The following CARMIL3 variants were observed in gnomAD, a reference collection of about 807,000 sequenced individuals.
The protein encoded by CARMIL3 is capping protein regulator and myosin 1 linker 3, also known as capping protein, Arp2/3 and myosin-I linker protein 3.
Under a neutral mutation model 180.8 loss-of-function variants are expected in CARMIL3, and 88 were observed. The ratio of observed to expected loss-of-function variants is 0.49; its 90% CI spans 0.41 to 0.58. The LOEUF (loss-of-function observed/expected upper bound fraction) is 0.58, where lower values mean the gene tolerates loss of function less well. CARMIL3 is among the 20% of genes least tolerant of loss of function. The pLI, the probability that CARMIL3 is intolerant of heterozygous loss-of-function variation, is 0.00. For missense variants in CARMIL3, 1,548 were observed against 1,787.0 expected (o/e 0.87, Z 2.41); for synonymous variants, 696 against 714.5 (o/e 0.97, Z 0.41).
Position 24,069,492 on chromosome 14 carries a change from C to T in CARMIL3, c.*88C>T. ...CACCCCCAGTCCCCAGGGCCCCCTG[C>T]CAGCCCCTGTCCTACAGGGGCAAGA... is the stretch of plus-strand genomic sequence containing the variant. On this transcript the variant is annotated 3_prime_UTR_variant, in exon 40 of 40. Coordinates refer to ENST00000342740, the MANE Select transcript of CARMIL3 (RefSeq NM_138360.4). 1.3e-6 allele frequency: 2 copies of T among 1,558,664 alleles called. No individual in the cohort carries two copies. The highest frequency in any genetic ancestry group is 1.8e-6 in the Non-Finnish European group (2 of 1,138,726).
intron 1 of CARMIL3, 54 bp downstream of exon 1, chr14:24,052,247 A>AGACCCG (rs2035624249): frequency 6.6e-7 from 1 of 1,521,994 alleles, no homozygotes; most frequent in African/African-American, 1.4e-5. Flanking sequence ...TCCCAGACCC[A>AGACCCG]GCGCGTTCCT....
chr14:24,065,127 C>G lies in CARMIL3; in HGVS notation c.3250C>G (p.Pro1084Ala). Residue 1084 changes from proline to alanine, a missense_variant, in exon 33 of 40, where the codon CCC (proline) becomes GCC (alanine). Pro to Ala is a conservative substitution (Grantham distance 27). This residue lies in a region of CARMIL3 where 668 missense variants were observed against 687.8 expected (regional missense o/e 0.97). Transcript: ENST00000342740. Reference sequence around the variant, plus strand: ...TGGACTCCTCCTCCCTCCACCCCCACCCCCTCCCCCGACTCAGGAGAGCCC... The same window carrying G: ...TGGACTCCTCCTCCCTCCACCCCCAGCCCCTCCCCCGACTCAGGAGAGCCC... ...TTGLLLPPPP[P>A]PPPTQESPPS... 1 of 1,458,000 alleles carries G rather than the reference C, an allele frequency of 6.9e-7. No individual in the cohort carries two copies. The highest frequency in any genetic ancestry group is 9.1e-7 in the Non-Finnish European group (1 of 1,104,492). The allele number at this position is 1,458,000 out of a possible 1,614,324, so 90.3% of individuals were successfully genotyped here. A position where few individuals can be genotyped will look rare whatever the true frequency, so the allele number is the denominator to read the frequency against.
chr14:24,063,591 A>C, intron 31 of CARMIL3, 58 bp downstream of exon 31: 2 of 1,516,936 alleles, frequency 1.3e-6, no homozygotes, highest in South Asian at 2.5e-5. Context: ...CAGAGCCAGG[A>C]GTTTTACCTT....
In CARMIL3 at chr14:24,058,300, T is replaced by A. The variant is rs2035696012; in HGVS notation, c.1392+76T>A. On this transcript the variant is annotated intron_variant, in intron 17 of 39. Coordinates refer to ENST00000342740, the MANE Select transcript of CARMIL3 (RefSeq NM_138360.4). The surrounding 1 kb of genome is among the most constrained non-coding windows in gnomAD (Gnocchi z 6.4). ...TCTCAGACCTAAGTCAAACCCTGGC[T>A]CCATCTAGCCTCTGTGCTGACCCTC... 4 of 1,494,840 alleles carry A rather than the reference T, an allele frequency of 2.7e-6. No individual in the cohort carries two copies. The highest frequency in any genetic ancestry group is 3.6e-6 in the Non-Finnish European group (4 of 1,099,910). The allele number at this position is 1,494,840 out of a possible 1,614,324, so 92.6% of individuals were successfully genotyped here.
chr14:24,064,109 A>G (rs1420150284), intron 31 of CARMIL3, 137 bp from the exon 32 acceptor site: 5 of 506,802 alleles, frequency 9.9e-6, no homozygotes, highest in Non-Finnish European at 1.7e-5. Flanking sequence ...AAAAAAAAAA[A>G]AAGAAAAAGA....
intron 14 of CARMIL3, 94 bp from the exon 15 acceptor site, chr14:24,057,709 C>T: frequency 9.2e-7 from 1 of 1,081,878 alleles, no homozygotes; most frequent in Non-Finnish European, 1.4e-6. Context: ...GAATGAAGAG[C>T]CAGGAACCTC....
At chr14:24,060,452 A>G (rs1409423072) in intron 24 of CARMIL3, among the ~76,000 whole-genome samples, 176 bp from the exon 25 acceptor site, 1 of 152,224 alleles carries the variant, frequency 6.6e-6, no homozygotes, top group African/African-American at 2.4e-5. Context: ...AGGAGTGCAC[A>G]GGACTCTGGG....
chr14:24,064,137 A>G, intron 31 of CARMIL3, 109 bp from the exon 32 acceptor site: 1 of 693,680 alleles, frequency 1.4e-6, no homozygotes, highest in Non-Finnish European at 2.5e-6. Flanking sequence ...GGTGAACTGA[A>G]GTCTACATTT....
chr14:24,061,090 G>A lies in CARMIL3; in HGVS notation c.2304+50G>A, dbSNP rs1276073220. 7 of 1,490,404 alleles carry A rather than the reference G, an allele frequency of 4.7e-6. No individual in the cohort carries two copies. The highest frequency in any genetic ancestry group is 1.2e-5 in the South Asian group (1 of 82,312). The allele number at this position is 1,490,404 out of a possible 1,614,324, so 92.3% of individuals were successfully genotyped here. ...CCATGGTGGGAACCTAGTGTTGACTGAGGCCCTAAGCCCAGAGCTAAAGTC... is the reference window on the plus strand; with the variant it reads ...CCATGGTGGGAACCTAGTGTTGACTAAGGCCCTAAGCCCAGAGCTAAAGTC... On this transcript the variant is annotated intron_variant, in intron 26 of 39. Coordinates refer to ENST00000342740, the MANE Select transcript of CARMIL3 (RefSeq NM_138360.4). The surrounding 1 kb of genome is among the most constrained non-coding windows in gnomAD (Gnocchi z 4.1).
Position 24,060,687 on chromosome 14 carries a change from C to A in CARMIL3, c.2121C>A (p.Pro707=). The A allele has an allele frequency of 6.2e-7, 1 of 1,613,884 alleles. No homozygotes were observed. The highest frequency in any genetic ancestry group is 1.3e-5 in the African/African-American group (1 of 75,036). ...QEEVRALRLC[P]LEPVQDELLY... is the part of the protein sequence containing the mutation. ...AGGTGCGGGCCCTGAGACTATGCCC[C>A]CTGGAGCCTGTGCAGGATGAGCTAC... The change falls in exon 25 of 40, where the codon CCC becomes CCA. Residue 707 remains proline, a synonymous_variant. Transcript: ENST00000342740.
Position 24,066,653 on chromosome 14 carries a change from A to G in CARMIL3, c.3679A>G (p.Ile1227Val), listed in dbSNP as rs747657626. 16 of 1,613,958 alleles carry G rather than the reference A, an allele frequency of 9.9e-6. No individual in the cohort carries two copies. The highest frequency in any genetic ancestry group is 1.6e-4 in the Middle Eastern group (1 of 6,084). Residue 1227 changes from isoleucine (I) to valine (V), a missense_variant, in exon 36 of 40, where the codon ATA (isoleucine) becomes GTA (valine). Coordinates refer to ENST00000342740, the MANE Select transcript of CARMIL3 (RefSeq NM_138360.4). ...GCGCAGAGCAGAGGCCACATGGCAC[A>G]TAGGTATGGAAAGCCTCTTTTCAGG... ...AMRRAEATWH[I>V]AEESAPNHSC... is the part of the protein sequence containing the mutation.
chr14:24,058,586 T>G lies in CARMIL3; in HGVS notation c.1393-94T>G. 1 of 974,264 alleles carries G rather than the reference T, an allele frequency of 1.0e-6. No individual in the cohort carries two copies. Among genetic ancestry groups the G allele is most frequent in the Non-Finnish European group, 1.5e-6 (1 of 646,630 alleles). The allele number at this position is 974,264 out of a possible 1,614,324, so 60.4% of individuals were successfully genotyped here. ...TTTTACACCCAGATCCTGGCATGAC[T>G]TTGAGTTCTGGTGTGACTACTATAT... On this transcript the variant is annotated intron_variant, in intron 17 of 39. Transcript: ENST00000342740. This position sits in a 1 kb window ranked among gnomAD's most constrained non-coding sequence, Gnocchi z 6.4.
Position 24,059,183 on chromosome 14 carries a change from G to C in CARMIL3, c.1620G>C (p.Glu540Asp). The C allele has an allele frequency of 6.2e-7, 1 of 1,612,814 alleles. No homozygotes were observed. The highest frequency in any genetic ancestry group is 8.5e-7 in the Non-Finnish European group (1 of 1,179,632). The change falls in exon 20 of 40, where the codon GAG becomes GAC. Residue 540 changes from glutamate (E) to aspartate (D), a missense_variant. Around this residue, in one of 4 missense-constraint regions of CARMIL3, gnomAD observed 5 missense variants for 16.9 expected, o/e 0.30. Coordinates refer to ENST00000342740, the MANE Select transcript of CARMIL3 (RefSeq NM_138360.4). This position sits in a 1 kb window ranked among gnomAD's most constrained non-coding sequence, Gnocchi z 6.3. ...LHKLVQLIQE[E>D]DCSLQSLSVA... ...AGCTGGTGCAGCTGATCCAGGAAGA[G>C]GACTGTGTGAGTGCCTGGGCCTGGG...
At chr14:24,052,539 C>T (rs1272945963) in intron 1 of CARMIL3, among the ~76,000 whole-genome samples, 2 of 152,192 alleles carry the variant, frequency 1.3e-5, no homozygotes, top group Admixed American at 1.3e-4. Flanking sequence ...GCTTCCCCGC[C>T]GGGCGGGGCC....
At position 24,058,895 on chromosome 14, in the gene CARMIL3, G is replaced by A. The variant is rs755640779; in HGVS notation, c.1480G>A (p.Asp494Asn). 7.2e-5 allele frequency: 117 copies of A among 1,614,062 alleles called. 1 individual carries two copies. In the Admixed American group the frequency reaches 1.4e-3, roughly 20 times the overall value. The part of the protein sequence containing the change: ...GSLDLSDNGF[D>N]SDLLTLVPAL... ...CTCTCCCATCTGCTCACCAGGGTTCGACTCGGACCTCCTGACACTGGTGCC... is the reference window on the plus strand; with the variant it reads ...CTCTCCCATCTGCTCACCAGGGTTCAACTCGGACCTCCTGACACTGGTGCC... Residue 494 changes from aspartate to asparagine, a missense_variant, in exon 19 of 40, where the codon GAC (aspartate) becomes AAC (asparagine). By Grantham distance (23) the Asp-to-Asn change is conservative. This residue lies in a region of CARMIL3 where 578 missense variants were observed against 666.5 expected (regional missense o/e 0.87). Transcript: ENST00000342740. This position sits in a 1 kb window ranked among gnomAD's most constrained non-coding sequence, Gnocchi z 6.4.
Position 24,063,397 on chromosome 14 carries a change from G to C in CARMIL3, c.2843G>C (p.Gly948Ala), listed in dbSNP as rs778994371. The C allele has an allele frequency of 3.7e-6, 6 of 1,613,492 alleles. No homozygotes were observed. The highest frequency in any genetic ancestry group is 2.2e-5 in the South Asian group (2 of 91,020). Residue 948 changes from glycine (G) to alanine (A), a missense_variant, in exon 31 of 40, where the codon GGG becomes GCG. This residue lies in a region of CARMIL3 where 668 missense variants were observed against 687.8 expected (regional missense o/e 0.97). Coordinates refer to ENST00000342740, the MANE Select transcript of CARMIL3 (RefSeq NM_138360.4). ...GIPPGWFSGL[G>A]GSQPTASGSW... Reference sequence around the variant, plus strand: ...CCCCCTGGCTGGTTCTCAGGACTTGGGGGCAGCCAGCCCACAGCTAGTGGC... The same window carrying C: ...CCCCCTGGCTGGTTCTCAGGACTTGCGGGCAGCCAGCCCACAGCTAGTGGC...
rs1328790991 is a variant in CARMIL3, at chr14:24,061,094, C to T, written c.2304+54C>T. ...GGTGGGAACCTAGTGTTGACTGAGGCCCTAAGCCCAGAGCTAAAGTCAGAG... is the reference window on the plus strand; with the variant it reads ...GGTGGGAACCTAGTGTTGACTGAGGTCCTAAGCCCAGAGCTAAAGTCAGAG... On this transcript the variant is annotated intron_variant, in intron 26 of 39. Coordinates refer to ENST00000342740, the MANE Select transcript of CARMIL3 (RefSeq NM_138360.4). The surrounding 1 kb of genome is among the most constrained non-coding windows in gnomAD (Gnocchi z 4.1). 2.7e-6 allele frequency: 4 copies of T among 1,475,866 alleles called. No individual in the cohort carries two copies. The African/African-American group carries it at 4.2e-5, about 15-fold the overall frequency. 91.4% of individuals were successfully genotyped at this position (1,475,866 alleles called of 1,614,324 possible). A position where few individuals can be genotyped will look rare whatever the true frequency, so the allele number is the denominator to read the frequency against.
chr14:24,062,391 C>A, intron 27 of CARMIL3, 89 bp from the exon 28 acceptor site: 2 of 1,219,602 alleles, frequency 1.6e-6, no homozygotes, highest in South Asian at 1.2e-5. Flanking sequence ...GCTGGCCGTT[C>A]TCTCAGGCTT....
rs772999848 is a variant in CARMIL3, at chr14:24,065,767, A to G, written c.3525+17A>G. 2 of 1,613,114 alleles carry G rather than the reference A, an allele frequency of 1.2e-6. No homozygotes were observed. The highest frequency in any genetic ancestry group is 1.7e-6 in the Non-Finnish European group (2 of 1,179,464). On this transcript the variant is annotated intron_variant, in intron 34 of 39. Coordinates refer to ENST00000342740, the MANE Select transcript of CARMIL3 (RefSeq NM_138360.4). ...AAACGAGAGGTGAGTGGAGCCTGGG[A>G]CAACAAACTGTGGGTCCTGAGGGTA...
Sources: allele counts gnomAD v4.1 joint callset (sites outside exome capture counted in the v4.1 genomes callset), GRCh38; gene constraint gnomAD v4.1.1; regional missense constraint gnomAD v4.1.1; non-coding constraint Gnocchi (gnomAD v3.1); transcripts MANE v1.5; gene names NCBI Gene and HGNC (gene_info 2026-07-23, HGNC 2026-07-21).